TCOF1: variants seen among roughly 807,000 people sequenced by gnomAD.
TCOF1 encodes treacle protein.
In TCOF1, 33 loss-of-function variants were observed where a neutral mutation model predicts 149.0. The ratio of observed to expected loss-of-function variants is 0.22; its 90% CI spans 0.17 to 0.30. The LOEUF (loss-of-function observed/expected upper bound fraction) is 0.30, where lower values mean the gene tolerates loss of function less well. Ranked by LOEUF, TCOF1 falls within the 10% of genes least tolerant of loss-of-function variation. The pLI is 1.00. For synonymous variants in TCOF1, 789 were observed against 738.8 expected (o/e 1.07, Z -1.10); for missense variants, 1,728 against 1,840.7 (o/e 0.94, Z 1.12).
chr5:150,364,027 G>T (rs533844624), intron 2 of TCOF1, 86 bp from the exon 3 acceptor site: 131 of 1,598,458 alleles, frequency 8.2e-5, no homozygotes, highest in Middle Eastern at 3.4e-4. Flanking sequence ...TTAAGAGCTG[G>T]AAGGATGCGG....
intron 22 of TCOF1, chr5:150,392,995 A>G: frequency 1.5e-6 from 1 of 654,504 alleles, no homozygotes; most frequent in Non-Finnish European, 2.7e-6. Context: ...TAGAGCCCTG[A>G]GTAGCTGACC....
Position 150,365,250 on chromosome 5 carries a change from TTTC to T in TCOF1, c.304+1001_304+1003del, listed in dbSNP as rs1312828675. Among the ~76,000 whole-genome samples the T allele has an allele frequency of 1.4e-3, 201 of 145,824 alleles. 1 individual carries two copies. Among genetic ancestry groups the T allele is most frequent in the African/African-American group, 5.1e-3 (196 of 38,636 alleles). ...GCTAATTTTGTGGGTTTTCTTTTTC[TTTC>T]TTTTTTTTTTTTTTTTTTTTAATAG... On this transcript the variant is annotated intron_variant, in intron 3 of 26. Transcript: ENST00000643257.
At chr5:150,358,277 G>A (rs1470285633) in intron 1 of TCOF1, among the ~76,000 whole-genome samples, 1 of 152,110 alleles carries the variant, frequency 6.6e-6, no homozygotes, top group East Asian at 1.9e-4. Context: ...GCCTGGAAAA[G>A]GGACCCTACA....
chr5:150,378,833 A>C, intron 14 of TCOF1, 72 bp from the exon 15 acceptor site: 1 of 1,609,252 alleles, frequency 6.2e-7, no homozygotes, highest in Non-Finnish European at 8.5e-7. Context: ...CCAGCTCCAG[A>C]GTCTGTATTC....
intron 6 of TCOF1, among the ~76,000 whole-genome samples, chr5:150,371,149 A>G (rs1762440145): frequency 6.6e-6 from 1 of 152,176 alleles, no homozygotes; most frequent in Non-Finnish European, 1.5e-5. Flanking sequence ...AACCAGCACA[A>G]GTCAGGGATG....
At chr5:150,365,849 G>A (rs1480738953) in intron 3 of TCOF1, among the ~76,000 whole-genome samples, 2 of 152,018 alleles carry the variant, frequency 1.3e-5, no homozygotes, top group African/African-American at 4.8e-5. Flanking sequence ...GGGCATGGTG[G>A]CTCACACCCA....
At chr5:150,371,901 G>A in intron 6 of TCOF1, 105 bp from the exon 7 acceptor site, 1 of 1,054,300 alleles carries the variant, frequency 9.5e-7, no homozygotes, top group Non-Finnish European at 1.4e-6. Context: ...TAAAAATCCA[G>A]TGACATTAGG....
At chr5:150,395,638 G>T (rs1768322830) in intron 23 of TCOF1, among the ~76,000 whole-genome samples, 1 of 152,052 alleles carries the variant, frequency 6.6e-6, no homozygotes, top group Non-Finnish European at 1.5e-5. Flanking sequence ...TCTCTGGCAG[G>T]CAGTAAACCT....
intron 17 of TCOF1, 52 bp downstream of exon 17, chr5:150,379,784 G>A: frequency 6.3e-7 from 1 of 1,592,892 alleles, no homozygotes; most frequent in Non-Finnish European, 8.6e-7. Context: ...CAGAACGGGG[G>A]TATAGGGCTG....
At chr5:150,387,442 C>G (rs1247500504) in intron 17 of TCOF1, among the ~76,000 whole-genome samples, 4 of 152,202 alleles carry the variant, frequency 2.6e-5, no homozygotes, top group African/African-American at 9.7e-5. Context: ...TAAATACCTC[C>G]CCAGGTGAAT....
At chr5:150,398,331 G>C (rs754573233) in intron 24 of TCOF1, 23 bp from the exon 25 acceptor site, 2 of 1,612,330 alleles carry the variant, frequency 1.2e-6, no homozygotes, top group South Asian at 2.2e-5. Flanking sequence ...TGTTGTTCAG[G>C]AACTTTACTT....
chr5:150,375,129 A>G lies in TCOF1; in HGVS notation c.1454A>G (p.Asp485Gly). ...AGCAGCAGCGAGGAGTCAGACAGTG[A>G]CAGAGAGGCACTGGCAGCCATGAAT... ...SRSSSEESDS[D>G]REALAAMNAA... Residue 485 changes from aspartate (D) to glycine (G), a missense_variant, in exon 10 of 27, where the codon GAC (aspartate) becomes GGC (glycine). Physicochemically the swap from Asp to Gly is moderately conservative, Grantham distance 94 (BLOSUM62 -1). Coordinates refer to ENST00000643257, the MANE Select transcript of TCOF1 (RefSeq NM_001371623.1). 1 of 1,613,144 alleles carries G rather than the reference A, an allele frequency of 6.2e-7. No homozygotes were observed. Among genetic ancestry groups the G allele is most frequent in the South Asian group, 1.1e-5 (1 of 91,034 alleles).
rs1447713178 is a variant in TCOF1 at position 150,363,023 on chromosome 5, A to G, written c.165-1090A>G. 2.0e-5 allele frequency among the ~76,000 whole-genome samples: 3 copies of G among 152,152 alleles called. No homozygotes were observed. In the East Asian group the frequency reaches 5.8e-4, roughly 29 times the overall value. ...CTGTCTTCACCTATAAAATGAAAAT[A>G]ATGATGGCAATTATCTCATTGCATT... On this transcript the variant is annotated intron_variant, in intron 2 of 26. Transcript: ENST00000643257.
At chr5:150,397,905 C>T (rs1250936124) in intron 24 of TCOF1, among the ~76,000 whole-genome samples, 1 of 152,114 alleles carries the variant, frequency 6.6e-6, no homozygotes, top group African/African-American at 2.4e-5. Flanking sequence ...GCTGGGTGAT[C>T]ACCACAGCTG....
Position 150,398,883 on chromosome 5 carries a change from C to G in TCOF1, c.4444-139C>G, listed in dbSNP as rs1005905785. 8 of 1,171,716 alleles carry G rather than the reference C, an allele frequency of 6.8e-6. No individual in the cohort carries two copies. The African/African-American group carries it at 9.1e-5, about 13-fold the overall frequency. The allele number at this position is 1,171,716 out of a possible 1,614,324, so 72.6% of individuals were successfully genotyped here. A position where few individuals can be genotyped will look rare whatever the true frequency, so the allele number is the denominator to read the frequency against. On this transcript the variant is annotated intron_variant, in intron 25 of 26. Transcript: ENST00000643257. ...AGCTGTATTTAGGAGAGCTGAACATCTGTTTGCCTCTGCCCTTGGAGGTCG... is the reference window on the plus strand; with the variant it reads ...AGCTGTATTTAGGAGAGCTGAACATGTGTTTGCCTCTGCCCTTGGAGGTCG...
intron 17 of TCOF1, 28 bp from the exon 18 acceptor site, chr5:150,387,874 G>A (rs1003071015): frequency 1.9e-6 from 3 of 1,613,140 alleles, no homozygotes; most frequent in Non-Finnish European, 2.5e-6. Context: ...TTAATCACTG[G>A]GGGGGTGTTT....
At chr5:150,392,418 C>T in intron 21 of TCOF1, 1 of 610,230 alleles carries the variant, frequency 1.6e-6, no homozygotes, top group South Asian at 2.0e-5. Context: ...TCACTGGCTC[C>T]CAAAAACTCC....
chr5:150,370,392 G>T (rs1762260739), intron 6 of TCOF1, among the ~76,000 whole-genome samples: 1 of 152,186 alleles, frequency 6.6e-6, no homozygotes, highest in Non-Finnish European at 1.5e-5. Context: ...GTCTCACTGT[G>T]TCACCCAAGC....
intron 24 of TCOF1, among the ~76,000 whole-genome samples, chr5:150,397,603 T>C (rs1028153100): frequency 2.0e-4 from 31 of 152,112 alleles, no homozygotes; most frequent in African/African-American, 7.5e-4. Context: ...GAGTCAAACC[T>C]AGGCAGCACT....
Sources: allele counts gnomAD v4.1 joint callset (sites outside exome capture counted in the v4.1 genomes callset), GRCh38; gene constraint gnomAD v4.1.1; transcripts MANE v1.5; gene names NCBI Gene and HGNC (gene_info 2026-07-23, HGNC 2026-07-21).